The following FARP1 variants were observed in gnomAD, a reference collection of about 807,000 sequenced individuals.
FARP1 encodes FERM, ARHGEF and pleckstrin domain-containing protein 1.
A neutral mutation model predicts 128.8 loss-of-function variants in FARP1; 52 were observed. That is an observed-to-expected ratio of 0.40 (90% CI 0.32 to 0.51). The LOEUF (loss-of-function observed/expected upper bound fraction) is 0.51, where lower values mean the gene tolerates loss of function less well. Ranked by LOEUF, FARP1 falls within the 20% of genes least tolerant of loss-of-function variation. The pLI, the probability that FARP1 is intolerant of heterozygous loss-of-function variation, is 0.45. For missense variants in FARP1, 1,333 were observed against 1,367.9 expected (o/e 0.97, Z 0.40); for synonymous variants, 580 against 551.8 (o/e 1.05, Z -0.72).
chr13:98,278,100 C>G (rs556200672), intron 2 of FARP1, among the ~76,000 whole-genome samples: 7 of 152,092 alleles, frequency 4.6e-5, no homozygotes, highest in African/African-American at 1.7e-4. Flanking sequence ...TGTGACTATT[C>G]AAAAGAGCTG....
At chr13:98,394,981 A>G (rs1566949803) in intron 12 of FARP1, among the ~76,000 whole-genome samples, 1 of 152,146 alleles carries the variant, frequency 6.6e-6, no homozygotes, top group Non-Finnish European at 1.5e-5. Context: ...GGTCCTGGAA[A>G]GCAGAGACCG....
At position 98,176,913 on chromosome 13, in the gene FARP1, C is replaced by A; in HGVS notation, c.-24+33421C>A. 6.2e-7 allele frequency: 1 copy of A among 1,605,422 alleles called. No homozygotes were observed. The stretch of plus-strand genomic sequence containing the variant: ...CCTGCTCGAAGTCAGCGGTGGCCCC[C>A]ATGTCCTCTGGCCCCACAGGCTTCG... On this transcript the variant is annotated intron_variant, in intron 1 of 26. Transcript: ENST00000319562. The surrounding 1 kb of genome is among the most constrained non-coding windows in gnomAD (Gnocchi z 6.2).
chr13:98,306,682 C>CT (rs10605968), intron 2 of FARP1, among the ~76,000 whole-genome samples: 2 of 151,194 alleles, frequency 1.3e-5, no homozygotes, highest in African/African-American at 2.4e-5. Context: ...ACCCGGCTAA[C>CT]TTTTTTTTTT....
intron 1 of FARP1, among the ~76,000 whole-genome samples, chr13:98,209,918 G>T (rs1019195152): frequency 6.6e-6 from 1 of 151,018 alleles, no homozygotes; most frequent in Non-Finnish European, 1.5e-5. Flanking sequence ...GGAGGTGGAG[G>T]TTGCAGTGAG....
chr13:98,435,355 G>T, intron 18 of FARP1: 1 of 459,560 alleles, frequency 2.2e-6, no homozygotes, highest in Non-Finnish European at 3.8e-6. Flanking sequence ...TCACCATGCA[G>T]GGGTCACTTA....
At chr13:98,391,454 A>G (rs1245167715) in intron 11 of FARP1, among the ~76,000 whole-genome samples, 1 of 152,106 alleles carries the variant, frequency 6.6e-6, no homozygotes, top group Non-Finnish European at 1.5e-5. Context: ...AAATTTTTGT[A>G]GAGATGGGGT....
At chr13:98,160,682 G>A (rs1249980550) in intron 1 of FARP1, among the ~76,000 whole-genome samples, 1 of 151,582 alleles carries the variant, frequency 6.6e-6, no homozygotes, top group Non-Finnish European at 1.5e-5. Flanking sequence ...TTTTTTTTTT[G>A]AGACTGAGTC....
chr13:98,178,251 A>C (rs1878246043), intron 1 of FARP1, among the ~76,000 whole-genome samples: 2 of 134,538 alleles, frequency 1.5e-5, no homozygotes, highest in South Asian at 4.6e-4. Context: ...GCTGGAGTGC[A>C]GTTACATGAT....
intron 2 of FARP1, among the ~76,000 whole-genome samples, chr13:98,225,986 G>T (rs1463252274): frequency 7.1e-6 from 1 of 140,774 alleles, no homozygotes; most frequent in East Asian, 1.9e-4. Flanking sequence ...CATAGCATTG[G>T]GGGAGCACTT....
intron 24 of FARP1, chr13:98,445,153 AG>A (rs1354175551): frequency 2.0e-5 from 3 of 152,282 alleles, no homozygotes; most frequent in African/African-American, 7.2e-5. Flanking sequence ...GCTTAGTGCC[AG>A]GGGCACCCAG....
At chr13:98,270,319 A>C (rs1332271537) in intron 2 of FARP1, among the ~76,000 whole-genome samples, 1 of 152,020 alleles carries the variant, frequency 6.6e-6, no homozygotes, top group Admixed American at 6.6e-5. Flanking sequence ...ACACATCCTC[A>C]GTAATATACA....
chr13:98,399,006 T>C (rs1395065585), intron 13 of FARP1: 3 of 152,240 alleles, frequency 2.0e-5, no homozygotes, highest in Admixed American at 1.3e-4. Flanking sequence ...AGTTGATCAA[T>C]GGCAGTATAC....
At chr13:98,343,669 C>T (rs1594425178) in intron 2 of FARP1, 93 bp from the exon 3 acceptor site, 1 of 887,544 alleles carries the variant, frequency 1.1e-6, no homozygotes, top group South Asian at 1.4e-5. Flanking sequence ...GACCTGCAGA[C>T]TTAGGAATCC....
At chr13:98,251,710 C>G (rs1357727242) in intron 2 of FARP1, among the ~76,000 whole-genome samples, 17 of 151,896 alleles carry the variant, frequency 1.1e-4, no homozygotes, top group Admixed American at 1.1e-3. Context: ...AAAAAAGTCC[C>G]CATTAGGGAA....
chr13:98,266,202 A>G (rs898536125), intron 2 of FARP1, among the ~76,000 whole-genome samples: 10 of 152,122 alleles, frequency 6.6e-5, no homozygotes, highest in East Asian at 3.9e-4. Context: ...TTCTGTGTCA[A>G]TGGATTTCCA....
At chr13:98,175,068 T>C (rs1877906735) in intron 1 of FARP1, among the ~76,000 whole-genome samples, 1 of 152,194 alleles carries the variant, frequency 6.6e-6, no homozygotes, top group African/African-American at 2.4e-5. Flanking sequence ...GACTGCTAGG[T>C]AGCTTGGTTT....
chr13:98,410,922 G>A (rs1204057074), intron 15 of FARP1, 99 bp downstream of exon 15: 5 of 581,132 alleles, frequency 8.6e-6, no homozygotes, highest in Middle Eastern at 6.3e-4. Context: ...TGTTGGATTC[G>A]CTGACTTCAG....
At chr13:98,393,042 T>G (rs1264719485) in intron 11 of FARP1, among the ~76,000 whole-genome samples, 4 of 152,190 alleles carry the variant, frequency 2.6e-5, no homozygotes, top group Admixed American at 2.6e-4. Flanking sequence ...TTTCAGGACC[T>G]GAGCATTTCA....
intron 2 of FARP1, among the ~76,000 whole-genome samples, chr13:98,310,250 C>T (rs973966846): frequency 2.0e-5 from 3 of 152,084 alleles, no homozygotes; most frequent in Non-Finnish European, 4.4e-5. Flanking sequence ...AGAGGCAGGT[C>T]GCCTCTGTGC....
Sources: gnomAD v4.1 joint callset for allele counts (sites outside exome capture counted in the v4.1 genomes callset) on GRCh38, gnomAD v4.1.1 for gene constraint, Gnocchi (gnomAD v3.1) non-coding constraint, MANE v1.5 for transcripts, NCBI Gene and HGNC (gene_info 2026-07-23, HGNC 2026-07-21) for gene names.